TMEM108: variants seen among roughly 807,000 people sequenced by gnomAD.
TMEM108 encodes transmembrane protein 108.
A neutral mutation model predicts 35.1 loss-of-function variants in TMEM108; 12 were observed. That is an observed-to-expected ratio of 0.34 (90% CI 0.22 to 0.55). The LOEUF (loss-of-function observed/expected upper bound fraction) is 0.55. Among genes scored for constraint, TMEM108 ranks in the 20% least tolerant of loss-of-function variants. The pLI, the probability that TMEM108 is intolerant of heterozygous loss-of-function variation, is 0.89. For missense variants in TMEM108, 680 were observed against 753.3 expected, an observed-to-expected ratio of 0.90 and a Z score of 1.14; for synonymous variants, 287 against 308.6, an observed-to-expected ratio of 0.93 and a Z score of 0.73.
chr3:133,076,802 A>G (rs774056693), intron 2 of TMEM108, among the ~76,000 whole-genome samples: 56 of 152,244 alleles, frequency 3.7e-4, no homozygotes, highest in Non-Finnish European at 5.6e-4. Flanking sequence ...CGTCTTTGCC[A>G]TGGGGCTCAG....
intron 4 of TMEM108, among the ~76,000 whole-genome samples, chr3:133,384,882 C>T (rs1312852212): frequency 6.6e-6 from 1 of 152,198 alleles, no homozygotes; most frequent in Non-Finnish European, 1.5e-5. Context: ...GAAAAATAGA[C>T]TAGCTGCAGA....
chr3:133,081,427 A>G (rs958630218), intron 2 of TMEM108, among the ~76,000 whole-genome samples: 1 of 152,184 alleles, frequency 6.6e-6, no homozygotes, highest in Non-Finnish European at 1.5e-5. Flanking sequence ...TCATGACCTC[A>G]TCTAAATCTA....
chr3:133,356,620 C>T (rs12633881), intron 3 of TMEM108, among the ~76,000 whole-genome samples: 50,307 of 152,026 alleles, frequency 0.33, 8,844 homozygotes, highest in East Asian at 0.48. Flanking sequence ...TATATAAAAA[C>T]AGGCACTTAG....
rs186795452 is a variant in TMEM108, at chr3:133,230,884, G to C, written c.40+1533G>C. ...TGAGCAACTCTGAATGCTGAAGGGGGTTCAAACATCATCTGGCTAGCTACA... is the reference window on the plus strand; with the variant it reads ...TGAGCAACTCTGAATGCTGAAGGGGCTTCAAACATCATCTGGCTAGCTACA... On this transcript the variant is annotated intron_variant, in intron 3 of 5. Transcript: ENST00000321871. Among the ~76,000 whole-genome samples the C allele has an allele frequency of 3.6e-4, 55 of 152,006 alleles. 2 individuals carry two copies. The East Asian group carries it at 9.7e-3, about 27-fold the overall frequency.
Position 133,044,344 on chromosome 3 carries a change from T to G in TMEM108, c.-165-1558T>G, listed in dbSNP as rs534200165. On this transcript the variant is annotated intron_variant, in intron 1 of 5. Coordinates refer to ENST00000321871, the MANE Select transcript of TMEM108 (RefSeq NM_023943.4). The stretch of plus-strand genomic sequence containing the variant: ...GGAGAGTCGTGACTACTTTGTTTCC[T>G]GTTCCAAAATCCTGTGACTCTAAGA... 3.9e-4 allele frequency among the ~76,000 whole-genome samples: 59 copies of G among 152,328 alleles called. 1 individual carries two copies. Among genetic ancestry groups the G allele is most frequent in the African/African-American group, 1.3e-3 (54 of 41,576 alleles).
intron 3 of TMEM108, among the ~76,000 whole-genome samples, chr3:133,324,586 C>A (rs546632155): frequency 2.5e-4 from 38 of 152,278 alleles, no homozygotes; most frequent in Admixed American, 2.2e-3. Context: ...TAAACTAGTA[C>A]AACCACTATG....
intron 2 of TMEM108, among the ~76,000 whole-genome samples, chr3:133,126,204 C>T (rs140369553): frequency 3.3e-5 from 5 of 152,136 alleles, no homozygotes; most frequent in East Asian, 3.9e-4. Flanking sequence ...CGGTGGCTCA[C>T]GCCTGTAATC....
intron 2 of TMEM108, among the ~76,000 whole-genome samples, chr3:133,092,358 T>A (rs1012953741): frequency 6.6e-6 from 1 of 152,226 alleles, no homozygotes; most frequent in Non-Finnish European, 1.5e-5. Flanking sequence ...TAATATTTTC[T>A]CCTAACCTCT....
At chr3:133,189,888 C>T (rs1483382693) in intron 2 of TMEM108, among the ~76,000 whole-genome samples, 2 of 152,102 alleles carry the variant, frequency 1.3e-5, no homozygotes, top group African/African-American at 4.8e-5. Context: ...TCATCAAATC[C>T]TTCAGCAAAG....
intron 3 of TMEM108, among the ~76,000 whole-genome samples, chr3:133,278,950 A>G (rs143351227): frequency 7.5e-4 from 115 of 152,332 alleles, no homozygotes; most frequent in African/African-American, 2.5e-3. Flanking sequence ...GTTTGAGGAC[A>G]TACATGAAAG....
At chr3:133,292,643 GGACC>G in intron 3 of TMEM108, among the ~76,000 whole-genome samples, 1 of 152,152 alleles carries the variant, frequency 6.6e-6, no homozygotes, top group Non-Finnish European at 1.5e-5. Flanking sequence ...CCTGCTATGG[GGACC>G]CTGGAGACAG....
intron 3 of TMEM108, among the ~76,000 whole-genome samples, chr3:133,276,066 G>T (rs1946834570): frequency 6.6e-6 from 1 of 152,216 alleles, no homozygotes; most frequent in Non-Finnish European, 1.5e-5. Context: ...CTGAAAGGGT[G>T]ACCCGTGGAG....
At chr3:133,234,535 T>A (rs965359359) in intron 3 of TMEM108, among the ~76,000 whole-genome samples, 75 of 152,220 alleles carry the variant, frequency 4.9e-4, no homozygotes, top group Non-Finnish European at 7.8e-4. Context: ...AAAAGGCCTT[T>A]AACAAAATTC....
chr3:133,146,537 C>G (rs553080388), intron 2 of TMEM108, among the ~76,000 whole-genome samples: 3 of 152,148 alleles, frequency 2.0e-5, no homozygotes, highest in African/African-American at 7.2e-5. Context: ...TCAGAAGGAA[C>G]GGAAGCAGCT....
chr3:133,236,412 G>T (rs980348075), intron 3 of TMEM108, among the ~76,000 whole-genome samples: 1 of 151,998 alleles, frequency 6.6e-6, no homozygotes, highest in African/African-American at 2.4e-5. Context: ...CCCCTTTTCT[G>T]CCATCTTTAC....
rs192857964 is a variant in TMEM108 at position 133,169,465 on chromosome 3, T to A, written c.-46-59801T>A. On this transcript the variant is annotated intron_variant, in intron 2 of 5. Transcript: ENST00000321871. ...ATTATTTTATTCCTAGTGTCTGGAC[T>A]ATGCGGTGGAATCACATGAGAGAGC... 5.3e-5 allele frequency among the ~76,000 whole-genome samples: 8 copies of A among 152,360 alleles called. No homozygotes were observed. In the East Asian group the frequency reaches 1.5e-3, roughly 29 times the overall value.
intron 3 of TMEM108, among the ~76,000 whole-genome samples, chr3:133,282,913 C>A (rs527434370): frequency 6.6e-5 from 10 of 152,256 alleles, no homozygotes; most frequent in African/African-American, 1.7e-4. Context: ...TAACATGGAA[C>A]GTTTTCCAAA....
chr3:133,309,662 A>G (rs59204212), intron 3 of TMEM108, among the ~76,000 whole-genome samples: 48,051 of 131,696 alleles, frequency 0.36, 8,463 homozygotes, highest in East Asian at 0.48. Flanking sequence ...CCGTGTAGTT[A>G]TGCGGGTTTG....
chr3:133,374,335 G>T lies in TMEM108; in HGVS notation c.41-5417G>T, dbSNP rs539490263. On this transcript the variant is annotated intron_variant, in intron 3 of 5. Transcript: ENST00000321871. ...AGACTGCTATGATTCGCTGTTAAAA[G>T]GGTTTAAAACAGCAATGCACAAAAT... 1.4e-4 allele frequency among the ~76,000 whole-genome samples: 22 copies of T among 152,170 alleles called. 1 individual carries two copies. The South Asian group carries it at 4.6e-3, about 32-fold the overall frequency.
Sources: allele counts gnomAD v4.1 joint callset (sites outside exome capture counted in the v4.1 genomes callset), GRCh38; gene constraint gnomAD v4.1.1; transcripts MANE v1.5; gene names NCBI Gene and HGNC (gene_info 2026-07-23, HGNC 2026-07-21).